Variants in ACOX3 observed in about 807,000 individuals in gnomAD.
The protein encoded by ACOX3 is acyl-CoA oxidase 3, pristanoyl.
Under a neutral mutation model 81.5 loss-of-function variants are expected in ACOX3, and 73 were observed. The ratio of observed to expected loss-of-function variants is 0.90; its 90% confidence interval spans 0.74 to 1.09. The LOEUF (loss-of-function observed/expected upper bound fraction) is 1.09. Among genes scored for constraint, ACOX3 ranks in the 50% least tolerant of loss-of-function variants. The pLI is 0.00. For missense variants in ACOX3, 947 were observed against 928.0 expected (o/e 1.02, Z -0.27); for synonymous variants, 387 against 375.1 (o/e 1.03, Z -0.37).
chr4:8,435,538 G>A (rs960106450), intron 1 of ACOX3, among the ~76,000 whole-genome samples: 5 of 152,064 alleles, frequency 3.3e-5, no homozygotes, highest in South Asian at 2.1e-4. Context: ...TTTTGGTGTT[G>A]GATGGCCCAC....
In ACOX3 at chr4:8,386,304, T is replaced by C. The variant is rs371199897; in HGVS notation, c.1537+2869A>G. On this transcript the variant is annotated intron_variant, in intron 13 of 17. Coordinates refer to ENST00000356406, the MANE Select transcript of ACOX3 (RefSeq NM_003501.3). The surrounding 1 kb of genome is among the most constrained non-coding windows in gnomAD (Gnocchi z 5.2). ...ACTTGCGGCCGGGCGTGGTGGCTCA[T>C]GCCTGTGATCCCAGCACTTCGGGAG... Among the ~76,000 whole-genome samples, 227 of 152,258 alleles carry C rather than the reference T, an allele frequency of 1.5e-3. No individual in the cohort carries two copies. The highest frequency in any genetic ancestry group is 2.3e-3 in the South Asian group (11 of 4,828).
Position 8,406,008 on chromosome 4 carries a change from T to C in ACOX3, c.723A>G (p.Gly241=). The change falls in exon 7 of 18, where the codon GGA becomes GGG. Residue 241 remains glycine, a synonymous_variant. Transcript: ENST00000356406. The surrounding 1 kb of genome is among the most constrained non-coding windows in gnomAD (Gnocchi z 5.6). ...RDPKTLLPMP[G]VMVGDIGKKL... is the part of the protein sequence containing the mutation. ...TTTTTCCTATGTCGCCAACCATCAC[T>C]CCAGGCATGGGAAGAAGGGTCTTCG... is the stretch of plus-strand genomic sequence containing the variant. The C allele has an allele frequency of 6.2e-7, 1 of 1,614,066 alleles. No individual in the cohort carries two copies. Among genetic ancestry groups the C allele is most frequent in the Non-Finnish European group, 8.5e-7 (1 of 1,180,020 alleles).
At chr4:8,418,734 CT>C (rs1722609615) in intron 1 of ACOX3, among the ~76,000 whole-genome samples, 1 of 150,122 alleles carries the variant, frequency 6.7e-6, no homozygotes, top group Non-Finnish European at 1.5e-5. Context: ...GTGGCGCATG[CT>C]TGTAATCCCA....
At chr4:8,363,721 T>A (rs570130548), downstream of ACOX3, among the ~76,000 whole-genome samples, 106 of 152,194 alleles carry the variant, frequency 7.0e-4, no homozygotes, top group Non-Finnish European at 9.3e-4. Context: ...ATGCAGGTCA[T>A]AAAGACCTTG....
At position 8,369,774 on chromosome 4, in the gene ACOX3, T is replaced by A. The variant is rs79304526; in HGVS notation, c.1983+1134A>T. On this transcript the variant is annotated intron_variant, in intron 17 of 17. Coordinates refer to ENST00000356406, the MANE Select transcript of ACOX3 (RefSeq NM_003501.3). ...CCTGCCCACTAAGGCTCAATCTCCATTTGGGCAGAGACCCAGGTGCTTCAG... is the reference window on the plus strand; with the variant it reads ...CCTGCCCACTAAGGCTCAATCTCCAATTGGGCAGAGACCCAGGTGCTTCAG... 3.8e-3 allele frequency among the ~76,000 whole-genome samples: 586 copies of A among 152,314 alleles called. 6 individuals are homozygous for A. Among genetic ancestry groups the A allele is most frequent in the African/African-American group, 0.013 (553 of 41,566 alleles).
rs1263829349 is a variant in ACOX3 at position 8,368,138 on chromosome 4, C to T, written c.1984-1058G>A. On this transcript the variant is annotated intron_variant, in intron 17 of 17. Transcript: ENST00000356406. This position sits in a 1 kb window ranked among gnomAD's most constrained non-coding sequence, Gnocchi z 5.9. ...GCCGCTACAGGCCGCACAGGTGGCA[C>T]GTGGCCACCAGCAGCAGGATGCCCT... 2.0e-5 allele frequency among the ~76,000 whole-genome samples: 3 copies of T among 152,260 alleles called. No individual in the cohort carries two copies. Among genetic ancestry groups the T allele is most frequent in the African/African-American group, 4.8e-5 (2 of 41,472 alleles).
intron 16 of ACOX3, 55 bp downstream of exon 16, chr4:8,373,506 C>T: frequency 6.3e-7 from 1 of 1,584,032 alleles, no homozygotes; most frequent in Non-Finnish European, 8.6e-7. Context: ...ATGCGTGTCG[C>T]TCTGGGCGGT....
intron 13 of ACOX3, among the ~76,000 whole-genome samples, chr4:8,388,966 C>T (rs1003879720): frequency 3.3e-5 from 5 of 152,194 alleles, no homozygotes; most frequent in Admixed American, 1.3e-4. Context: ...TCCTTCAATT[C>T]ATCTGTGGAG....
intron 1 of ACOX3, among the ~76,000 whole-genome samples, chr4:8,420,831 C>T (rs115543660): frequency 0.011 from 1,623 of 152,316 alleles, 33 homozygotes; most frequent in African/African-American, 0.038. Context: ...AGCTTCTGAT[C>T]CAGTGAGGCA....
chr4:8,407,354 G>C lies in ACOX3; in HGVS notation c.688-1311C>G, dbSNP rs539904321. The stretch of plus-strand genomic sequence containing the variant: ...ATATTTTATTACACTGGAACAGCTC[G>C]TGTCCTCAGTCTCTTGCCTCGGCAC... On this transcript the variant is annotated intron_variant, in intron 6 of 17. Coordinates refer to ENST00000356406, the MANE Select transcript of ACOX3 (RefSeq NM_003501.3). The surrounding 1 kb of genome is among the most constrained non-coding windows in gnomAD (Gnocchi z 4.6). Among the ~76,000 whole-genome samples the C allele has an allele frequency of 6.6e-6, 1 of 152,136 alleles. No individual in the cohort carries two copies. Among genetic ancestry groups the C allele is most frequent in the Non-Finnish European group, 1.5e-5 (1 of 68,030 alleles).
chr4:8,383,582 G>A (rs111726195), intron 13 of ACOX3, among the ~76,000 whole-genome samples: 85 of 152,324 alleles, frequency 5.6e-4, no homozygotes, highest in African/African-American at 1.9e-3. Flanking sequence ...CCACGAGAGG[G>A]AGGCGGGTAG....
At chr4:8,427,388 G>A (rs1211316007) in intron 1 of ACOX3, among the ~76,000 whole-genome samples, 1 of 152,208 alleles carries the variant, frequency 6.6e-6, no homozygotes, top group Non-Finnish European at 1.5e-5. Context: ...TTTGAGCTGA[G>A]CTTTTGCTTG....
chr4:8,382,302 C>T lies in ACOX3; in HGVS notation c.1538-695G>A, dbSNP rs1020266666. Reference sequence around the variant, plus strand: ...CCCCTGGCAGTGGTGCCCACATCTGCGGGGCCCCCCACAGCACAGCCAGAG... The same window carrying T: ...CCCCTGGCAGTGGTGCCCACATCTGTGGGGCCCCCCACAGCACAGCCAGAG... On this transcript the variant is annotated intron_variant, in intron 13 of 17. Transcript: ENST00000356406. This position sits in a 1 kb window ranked among gnomAD's most constrained non-coding sequence, Gnocchi z 4.1. 2.0e-5 allele frequency among the ~76,000 whole-genome samples: 3 copies of T among 152,338 alleles called. No individual in the cohort carries two copies. The highest frequency in any genetic ancestry group is 7.2e-5 in the African/African-American group (3 of 41,588).
downstream of ACOX3, among the ~76,000 whole-genome samples, chr4:8,361,494 G>GC (rs1715234117): frequency 7.0e-6 from 1 of 142,016 alleles, no homozygotes; most frequent in Non-Finnish European, 1.5e-5. Flanking sequence ...GAAGGTTTAC[G>GC]CAAGTTGTGG....
Position 8,399,635 on chromosome 4 carries a change from T to C in ACOX3, c.794A>G (p.Lys265Arg). 6.2e-7 allele frequency: 1 copy of C among 1,614,144 alleles called. No homozygotes were observed. Residue 265 changes from lysine (K) to arginine (R), a missense_variant, in exon 8 of 18, where the codon AAG (lysine) becomes AGG (arginine). By Grantham distance (26) the Lys-to-Arg change is conservative. Coordinates refer to ENST00000356406, the MANE Select transcript of ACOX3 (RefSeq NM_003501.3). The surrounding 1 kb of genome is among the most constrained non-coding windows in gnomAD (Gnocchi z 4.9). ...GLDNGFAMFHKVRVPRQSLLN... is the reference protein window; with the variant it reads ...GLDNGFAMFHRVRVPRQSLLN... The stretch of plus-strand genomic sequence containing the variant: ...AAGGCTCTGGCGAGGAACTCTGACC[T>C]TGTGGAACATGGCGAAACTGTGGGG...
rs1486275886 is a variant in ACOX3, at chr4:8,432,263, T to C, written c.-15+8385A>G. Among the ~76,000 whole-genome samples, 5 of 152,186 alleles carry C rather than the reference T, an allele frequency of 3.3e-5. No homozygotes were observed. Among genetic ancestry groups the C allele is most frequent in the Non-Finnish European group, 7.3e-5 (5 of 68,034 alleles). Reference sequence around the variant, plus strand: ...GAATTTTTTTTTTCGAGATGGAGTCTCGCTCTGTTGCCCAGACTGGAGTGC... The same window carrying C: ...GAATTTTTTTTTTCGAGATGGAGTCCCGCTCTGTTGCCCAGACTGGAGTGC... On this transcript the variant is annotated intron_variant, in intron 1 of 17. Transcript: ENST00000356406. The surrounding 1 kb of genome is among the most constrained non-coding windows in gnomAD (Gnocchi z 6.2).
rs377720788 is a variant in ACOX3 at position 8,375,057 on chromosome 4, C to G, written c.1749G>C (p.Ser583=). Residue 583 remains serine (S), a synonymous_variant, in exon 15 of 18, where the codon TCG becomes TCC. Coordinates refer to ENST00000356406, the MANE Select transcript of ACOX3 (RefSeq NM_003501.3). ...EHVHQPSVPP[S]LRAVLGRLSA... ...TGAGCCGCCCCAGCACGGCCCGCAG[C>G]GAGGGCGGCACGGAAGGCTGGTGCA... 4 of 1,554,762 alleles carry G rather than the reference C, an allele frequency of 2.6e-6. No individual in the cohort carries two copies. Among genetic ancestry groups the G allele is most frequent in the Non-Finnish European group, 2.6e-6 (3 of 1,148,958 alleles).
At chr4:8,373,482 G>T in intron 16 of ACOX3, 79 bp downstream of exon 16, 2 of 1,474,716 alleles carry the variant, frequency 1.4e-6, no homozygotes, top group Non-Finnish European at 1.9e-6. Context: ...GTCGGTCTGG[G>T]TGATGCTAAG....
chr4:8,419,035 G>T lies in ACOX3; in HGVS notation c.-14-2500C>A, dbSNP rs1005891965. Among the ~76,000 whole-genome samples, 1 of 152,082 alleles carries T rather than the reference G, an allele frequency of 6.6e-6. No individual in the cohort carries two copies. Among genetic ancestry groups the T allele is most frequent in the African/African-American group, 2.4e-5 (1 of 41,398 alleles). ...TACTAAATGCCGGCTATAGTGGCAC[G>T]TGCCTGTGGTCCCAGCTACTCTGGG... On this transcript the variant is annotated intron_variant, in intron 1 of 17. Coordinates refer to ENST00000356406, the MANE Select transcript of ACOX3 (RefSeq NM_003501.3). The surrounding 1 kb of genome is among the most constrained non-coding windows in gnomAD (Gnocchi z 4.2).
Sources: allele counts gnomAD v4.1 joint callset (sites outside exome capture counted in the v4.1 genomes callset), GRCh38; gene constraint gnomAD v4.1.1; non-coding constraint Gnocchi (gnomAD v3.1); transcripts MANE v1.5; gene names NCBI Gene and HGNC (gene_info 2026-07-23, HGNC 2026-07-21).